The following DNM3 variants were observed in gnomAD, a reference collection of about 807,000 sequenced individuals.
DNM3 encodes the protein dynamin 3.
Under a neutral mutation model 101.6 loss-of-function variants are expected in DNM3, and 47 were observed. The observed-to-expected ratio is 0.46, with a 90% CI of 0.37 to 0.59. DNM3 has a LOEUF of 0.59. DNM3 is among the 20% of genes least tolerant of loss of function. The pLI, the probability that DNM3 is intolerant of heterozygous loss-of-function variation, is 0.00. For missense variants in DNM3, 849 were observed against 1,085.7 expected, an observed-to-expected ratio of 0.78 and a Z score of 3.06; for synonymous variants, 385 against 387.9, an observed-to-expected ratio of 0.99 and a Z score of 0.09.
intron 6 of DNM3, among the ~76,000 whole-genome samples, chr1:172,034,862 G>A (rs1006371225): frequency 6.6e-6 from 1 of 152,036 alleles, no homozygotes; most frequent in East Asian, 1.9e-4. Context: ...TGTAGGCAGT[G>A]GCTGAATCCT....
At chr1:172,200,235 C>A (rs945047530) in intron 14 of DNM3, among the ~76,000 whole-genome samples, 1 of 152,104 alleles carries the variant, frequency 6.6e-6, no homozygotes, top group Admixed American at 6.6e-5. Flanking sequence ...TATAGGCCCC[C>A]AATCTCTTCT....
In DNM3 at chr1:171,947,943, G is replaced by C. The variant is rs189554102; in HGVS notation, c.235+26122G>C. 1.9e-4 allele frequency among the ~76,000 whole-genome samples: 29 copies of C among 152,282 alleles called. No individual in the cohort carries two copies. In the East Asian group the frequency reaches 5.4e-3, roughly 28 times the overall value. ...TGGAGTTTTCTGTTGGGAAAGTGAG[G>C]GGGCTTTGCTTTTGCTTTTCTTCTT... On this transcript the variant is annotated intron_variant, in intron 2 of 20. Transcript: ENST00000627582.
At chr1:171,945,654 T>C (rs1022277770) in intron 2 of DNM3, among the ~76,000 whole-genome samples, 1 of 152,174 alleles carries the variant, frequency 6.6e-6, no homozygotes, top group Non-Finnish European at 1.5e-5. Context: ...TTTTTCCTTT[T>C]TTTTGGTTTG....
In DNM3 at chr1:172,253,670, A is replaced by G; in HGVS notation, c.1757A>G (p.Asn586Ser). 1 of 1,574,932 alleles carries G rather than the reference A, an allele frequency of 6.3e-7. No individual in the cohort carries two copies. The highest frequency in any genetic ancestry group is 8.6e-7 in the Non-Finnish European group (1 of 1,159,186). Reference protein sequence around the residue: ...MSSKHIFALFNTEQRNVYKDY... With the variant: ...MSSKHIFALFSTEQRNVYKDY... ...AGCAAGCACATCTTTGCACTCTTTA[A>G]TACAGAGCAAAGGTAAGAAATTGAA... Residue 586 changes from asparagine (N) to serine (S), a missense_variant, in exon 15 of 21, where the codon AAT becomes AGT. Around this residue, in one of 5 missense-constraint regions of DNM3, gnomAD observed 193 missense variants for 238.4 expected, o/e 0.81. Coordinates refer to ENST00000627582, the MANE Select transcript of DNM3 (RefSeq NM_015569.5).
intron 2 of DNM3, among the ~76,000 whole-genome samples, chr1:171,976,405 A>G (rs533886253): frequency 1.3e-5 from 2 of 152,340 alleles, no homozygotes; most frequent in South Asian, 4.1e-4. Flanking sequence ...TGAGGAGAAA[A>G]GTCACATCTT....
At chr1:172,160,812 A>G (rs1220600087) in intron 14 of DNM3, among the ~76,000 whole-genome samples, 1 of 152,088 alleles carries the variant, frequency 6.6e-6, no homozygotes, top group African/African-American at 2.4e-5. Context: ...CTAGACTTTT[A>G]TAAGACTGGC....
chr1:172,049,276 C>A (rs1446403505), intron 10 of DNM3, among the ~76,000 whole-genome samples: 2 of 152,096 alleles, frequency 1.3e-5, no homozygotes, highest in African/African-American at 2.4e-5. Context: ...TGGGCTTAAC[C>A]TCTCTAGTCT....
intron 15 of DNM3, among the ~76,000 whole-genome samples, chr1:172,259,408 A>T (rs918712331): frequency 1.3e-5 from 2 of 152,162 alleles, no homozygotes; most frequent in Admixed American, 6.5e-5. Flanking sequence ...TATTTGCTTT[A>T]TATATCTGGG....
intron 10 of DNM3, among the ~76,000 whole-genome samples, chr1:172,061,531 A>C (rs1166724851): frequency 6.6e-6 from 1 of 151,778 alleles, no homozygotes; most frequent in Non-Finnish European, 1.5e-5. Context: ...AAAAATGATG[A>C]GTTCGTGTCC....
chr1:172,163,428 C>A (rs184090538), intron 14 of DNM3, among the ~76,000 whole-genome samples: 5 of 151,660 alleles, frequency 3.3e-5, no homozygotes, highest in East Asian at 1.9e-4. Flanking sequence ...TTGGTAGATA[C>A]GAGGTTTCGC....
At chr1:172,233,890 T>A (rs575090766) in intron 14 of DNM3, among the ~76,000 whole-genome samples, 1 of 152,308 alleles carries the variant, frequency 6.6e-6, no homozygotes, top group East Asian at 1.9e-4. Context: ...GGGACGTATC[T>A]CAAAATAATA....
At chr1:171,862,282 G>A (rs555582847) in intron 1 of DNM3, among the ~76,000 whole-genome samples, 13 of 152,114 alleles carry the variant, frequency 8.5e-5, no homozygotes, top group Non-Finnish European at 1.8e-4. Context: ...AAAAACTTGT[G>A]CATAAATGTT....
chr1:172,024,458 C>A (rs190097705), intron 4 of DNM3, among the ~76,000 whole-genome samples: 38 of 152,264 alleles, frequency 2.5e-4, no homozygotes, highest in African/African-American at 8.7e-4. Context: ...GTGGTTTATG[C>A]AATTAATTCA....
chr1:172,175,950 A>T (rs2059140994), intron 14 of DNM3, among the ~76,000 whole-genome samples: 1 of 151,718 alleles, frequency 6.6e-6, no homozygotes, highest in Non-Finnish European at 1.5e-5. Flanking sequence ...ATCCCCTCTC[A>T]TGTTGTTTCA....
At chr1:172,154,701 GTGT>G (rs1254921673) in intron 14 of DNM3, among the ~76,000 whole-genome samples, 1 of 152,066 alleles carries the variant, frequency 6.6e-6, no homozygotes, top group Non-Finnish European at 1.5e-5. Context: ...GGGAGAAAAT[GTGT>G]TGAGTCTTCT....
At chr1:171,919,517 T>A (rs1201407487) in intron 1 of DNM3, among the ~76,000 whole-genome samples, 1 of 151,108 alleles carries the variant, frequency 6.6e-6, no homozygotes, top group Non-Finnish European at 1.5e-5. Context: ...CAGTATTCCA[T>A]GGTGCCCTCC....
chr1:172,332,027 A>G (rs1001579180), intron 17 of DNM3, among the ~76,000 whole-genome samples: 3 of 152,004 alleles, frequency 2.0e-5, no homozygotes, highest in Non-Finnish European at 4.4e-5. Context: ...AATGAGAGAA[A>G]GGGCAAAATC....
chr1:172,344,221 C>T (rs1199714249), intron 17 of DNM3, among the ~76,000 whole-genome samples: 1 of 152,178 alleles, frequency 6.6e-6, no homozygotes, highest in Non-Finnish European at 1.5e-5. Context: ...AAAAATGCCT[C>T]TCATTGGTTT....
intron 7 of DNM3, among the ~76,000 whole-genome samples, chr1:172,041,540 A>G (rs1277119872): frequency 6.6e-6 from 1 of 152,160 alleles, no homozygotes; most frequent in Non-Finnish European, 1.5e-5. Flanking sequence ...CTATTTCTCA[A>G]TAGCCCTTGA....
Sources: allele counts gnomAD v4.1 joint callset (sites outside exome capture counted in the v4.1 genomes callset), GRCh38; gene constraint gnomAD v4.1.1; regional missense constraint gnomAD v4.1.1; transcripts MANE v1.5; gene names NCBI Gene and HGNC (gene_info 2026-07-23, HGNC 2026-07-21).